The following STK32A variants were observed in gnomAD, a reference collection of about 807,000 sequenced individuals.
STK32A encodes the protein serine/threonine-protein kinase 32A.
STK32A carries 41 observed loss-of-function variants against 53.2 expected under a neutral mutation model. The observed-to-expected ratio is 0.77, with a 90% CI of 0.60 to 1.00. STK32A has a LOEUF of 1.00. Among genes scored for constraint, STK32A ranks in the 50% least tolerant of loss-of-function variants. STK32A has a pLI of 0.00. For synonymous variants in STK32A, 166 were observed against 162.8 expected, an observed-to-expected ratio of 1.02 and a Z score of -0.15; for missense variants, 458 against 485.8, an observed-to-expected ratio of 0.94 and a Z score of 0.54.
At position 147,241,708 on chromosome 5, in the gene STK32A, C is replaced by G. The variant is rs138381589; in HGVS notation, c.52+2022C>G. 2.6e-3 allele frequency among the ~76,000 whole-genome samples: 390 copies of G among 152,182 alleles called. 2 individuals are homozygous for G. Among genetic ancestry groups the G allele is most frequent in the African/African-American group, 8.7e-3 (361 of 41,512 alleles). On this transcript the variant is annotated intron_variant, in intron 2 of 12. Transcript: ENST00000397936. The stretch of plus-strand genomic sequence containing the variant: ...CTTATCAAATAGTAAAAGCAAAGAT[C>G]TAGAGACTAGTGATATTACTTAATT...
intron 8 of STK32A, among the ~76,000 whole-genome samples, chr5:147,363,986 C>A (rs369645857): frequency 6.6e-6 from 1 of 152,050 alleles, no homozygotes; most frequent in Admixed American, 6.6e-5. Flanking sequence ...AAGGCTGAGG[C>A]GGGCAGATCA....
At chr5:147,357,959 G>A (rs1756329649) in intron 7 of STK32A, among the ~76,000 whole-genome samples, 1 of 151,968 alleles carries the variant, frequency 6.6e-6, no homozygotes, top group Non-Finnish European at 1.5e-5. Flanking sequence ...TACATGGGAT[G>A]CGGGACTCTT....
intron 4 of STK32A, among the ~76,000 whole-genome samples, chr5:147,288,825 A>G (rs1420831618): frequency 6.6e-6 from 1 of 152,202 alleles, no homozygotes; most frequent in African/African-American, 2.4e-5. Context: ...TAGAGATGCA[A>G]ACCATATCAG....
intron 6 of STK32A, among the ~76,000 whole-genome samples, chr5:147,348,322 T>C (rs1755785900): frequency 6.6e-6 from 1 of 152,234 alleles, no homozygotes; most frequent in African/African-American, 2.4e-5. Flanking sequence ...AGAGTTGAGA[T>C]GTTCTGCTAA....
At chr5:147,388,525 G>A (rs914031741), downstream of STK32A, among the ~76,000 whole-genome samples, 38 of 152,320 alleles carry the variant, frequency 2.5e-4, no homozygotes, top group African/African-American at 8.9e-4. Flanking sequence ...TCTGAGCAAA[G>A]GGCAGGATCT....
chr5:147,265,502 C>G (rs1343207501), intron 2 of STK32A, among the ~76,000 whole-genome samples: 2 of 152,062 alleles, frequency 1.3e-5, no homozygotes, highest in Non-Finnish European at 2.9e-5. Flanking sequence ...TCCAAAGGTA[C>G]ATAGATTATA....
chr5:147,297,924 G>A (rs1752942502), intron 4 of STK32A, among the ~76,000 whole-genome samples: 2 of 149,170 alleles, frequency 1.3e-5, no homozygotes, highest in Non-Finnish European at 2.9e-5. Context: ...AGGCTGTAGT[G>A]AGCTGAGATC....
At chr5:147,306,136 T>G (rs941259954) in intron 4 of STK32A, among the ~76,000 whole-genome samples, 24 of 152,162 alleles carry the variant, frequency 1.6e-4, no homozygotes, top group Admixed American at 5.2e-4. Context: ...TTTATTTAAC[T>G]CTGGGTGTTC....
chr5:147,355,445 G>A (rs1411953278), intron 7 of STK32A, among the ~76,000 whole-genome samples: 5 of 151,972 alleles, frequency 3.3e-5, no homozygotes, highest in East Asian at 3.9e-4. Flanking sequence ...AGGCCGAGGC[G>A]GGCAGATCAC....
intron 8 of STK32A, among the ~76,000 whole-genome samples, chr5:147,369,299 C>T (rs1435096315): frequency 6.6e-6 from 1 of 152,134 alleles, no homozygotes; most frequent in East Asian, 1.9e-4. Flanking sequence ...GAATAGCTGA[C>T]ATTGACTTGC....
At chr5:147,261,532 G>C (rs1009803314) in intron 2 of STK32A, among the ~76,000 whole-genome samples, 1 of 152,166 alleles carries the variant, frequency 6.6e-6, no homozygotes, top group African/African-American at 2.4e-5. Context: ...GAGTGGAGTA[G>C]GTGATCAGAA....
chr5:147,367,129 A>C (rs904046738), intron 8 of STK32A, among the ~76,000 whole-genome samples: 2 of 151,670 alleles, frequency 1.3e-5, no homozygotes, highest in Non-Finnish European at 2.9e-5. Flanking sequence ...GCAATGGCCC[A>C]ATCTCGGCTC....
chr5:147,275,550 C>T (rs1204242154), intron 2 of STK32A, among the ~76,000 whole-genome samples: 2 of 152,110 alleles, frequency 1.3e-5, no homozygotes, highest in Admixed American at 1.3e-4. Flanking sequence ...TCTTGAACTC[C>T]TGGGCTCAAG....
chr5:147,378,832 C>T (rs574886795), intron 11 of STK32A, among the ~76,000 whole-genome samples: 2 of 102,540 alleles, frequency 2.0e-5, no homozygotes, highest in South Asian at 3.6e-4. Context: ...TGTAATAATG[C>T]CTCCAGTCTT....
At chr5:147,292,454 C>T (rs11960583) in intron 4 of STK32A, among the ~76,000 whole-genome samples, 50,784 of 152,048 alleles carry the variant, frequency 0.33, 8,863 homozygotes, top group South Asian at 0.6. Flanking sequence ...TTCAATTTTG[C>T]TCATAAAAGT....
intron 4 of STK32A, among the ~76,000 whole-genome samples, chr5:147,321,677 T>TA (rs1186259828): frequency 6.6e-6 from 1 of 152,184 alleles, no homozygotes; most frequent in Non-Finnish European, 1.5e-5. Context: ...ATTTAAGAAA[T>TA]ATATTCTGCT....
At chr5:147,399,833 T>C in the STK32A span, among the ~76,000 whole-genome samples, 1 of 152,222 alleles carries the variant, frequency 6.6e-6, no homozygotes, top group South Asian at 2.1e-4. Flanking sequence ...GATAAATACA[T>C]ACGTACTGCT....
intron 1 of STK32A, among the ~76,000 whole-genome samples, chr5:147,236,775 T>C (rs962790479): frequency 6.6e-6 from 1 of 152,158 alleles, no homozygotes; most frequent in Non-Finnish European, 1.5e-5. Context: ...TTCTGAAACA[T>C]GGAAAATTGC....
intron 10 of STK32A, among the ~76,000 whole-genome samples, chr5:147,373,990 A>G (rs1757119238): frequency 6.6e-6 from 1 of 152,144 alleles, no homozygotes; most frequent in Middle Eastern, 3.2e-3. Context: ...AGGGGCCTGT[A>G]GAACCAATTC....
Sources: gnomAD v4.1 joint callset for allele counts (sites outside exome capture counted in the v4.1 genomes callset) on GRCh38, gnomAD v4.1.1 for gene constraint, MANE v1.5 for transcripts, NCBI Gene and HGNC (gene_info 2026-07-23, HGNC 2026-07-21) for gene names.